SCART1: variants seen among roughly 807,000 people sequenced by gnomAD.
SCART1 encodes the protein scavenger receptor cysteine-rich domain-containing protein SCART1.
In SCART1, 62 loss-of-function variants were observed where a neutral mutation model predicts 36.2. The ratio of observed to expected loss-of-function variants is 1.71; its 90% confidence interval spans 1.40 to 2.12. SCART1 has a LOEUF of 2.12. Among genes scored for constraint, SCART1 ranks in the 30% most tolerant of loss-of-function variants. The pLI is 0.00. For synonymous variants in SCART1, 487 were observed against 238.7 expected, an observed-to-expected ratio of 2.04 and a Z score of -9.59; for missense variants, 1,041 against 540.5, an observed-to-expected ratio of 1.93 and a Z score of -9.18.
At chr10:133,457,994 A>G (rs561862955) in intron 3 of SCART1, 65 of 527,212 alleles carry the variant, frequency 1.2e-4, no homozygotes, top group African/African-American at 1.1e-3. Flanking sequence ...TGAGGTGGAT[A>G]GTCTGCCTGC....
chr10:133,456,256 G>A, exon 2 of SCART1: 1 of 702,652 alleles, frequency 1.4e-6, no homozygotes, highest in East Asian at 2.7e-5. Context: ...GTGCTCTGAG[G>A]CTGGCGTACA....
chr10:133,457,315 G>T (rs768873093), exon 3 of SCART1: 2 of 699,248 alleles, frequency 2.9e-6, no homozygotes, highest in African/African-American at 3.6e-5. Flanking sequence ...GTGAAGGGCC[G>T]CAGTCCCTGC....
At chr10:133,464,093 A>G (rs1850734552) in intron 6 of SCART1, 1 of 153,314 alleles carries the variant, frequency 6.5e-6, no homozygotes, top group South Asian at 2.1e-4. Flanking sequence ...AGCTTGTTTC[A>G]CTTAACACAG....
exon 4 of SCART1, chr10:133,458,530 C>T (rs576078356): frequency 4.3e-4 from 293 of 674,288 alleles, no homozygotes; most frequent in Non-Finnish European, 6.7e-4. Context: ...CCGCTTCGGC[C>T]GGGGCTCGGG....
At chr10:133,457,873 TG>T (rs1474467083) in intron 3 of SCART1, 1 of 536,494 alleles carries the variant, frequency 1.9e-6, no homozygotes, top group Non-Finnish European at 3.3e-6. Context: ...ATGTCTAACA[TG>T]GATCGGGGTT....
intron 10 of SCART1, 25 bp from the exon 11 acceptor site, chr10:133,467,173 T>C (rs1437124193): frequency 1.5e-6 from 1 of 678,026 alleles, no homozygotes; most frequent in Non-Finnish European, 2.7e-6. Flanking sequence ...AGGGCCTGTG[T>C]GTGACCATGC....
chr10:133,467,975 C>A (rs1385611282), exon 12 of SCART1: 1 of 685,048 alleles, frequency 1.5e-6, no homozygotes, highest in Non-Finnish European at 2.7e-6. Flanking sequence ...GTAAAGCAAC[C>A]TGAGGATGAG....
At chr10:133,465,463 G>T in exon 9 of SCART1, 1 of 527,078 alleles carries the variant, frequency 1.9e-6, no homozygotes, top group South Asian at 2.6e-5. Flanking sequence ...GCTGGACGAG[G>T]TGGGGTGCCG....
intron 3 of SCART1, chr10:133,458,089 T>C (rs1409798872): frequency 1.5e-6 from 1 of 660,682 alleles, no homozygotes; most frequent in South Asian, 1.6e-5. Flanking sequence ...GTTGCTGTCA[T>C]GGCCTCGGAC....
At chr10:133,465,279 C>A (rs1031802335) in exon 9 of SCART1, 1 of 686,884 alleles carries the variant, frequency 1.5e-6, no homozygotes, top group African/African-American at 1.8e-5. Flanking sequence ...TGCGCGGGGG[C>A]GAGGACCGCT....
intron 6 of SCART1, among the ~76,000 whole-genome samples, chr10:133,463,532 G>C (rs2094640): frequency 0.65 from 90,075 of 139,446 alleles, 31,276 homozygotes; most frequent in Non-Finnish European, 0.78. Context: ...GCTCCCATAT[G>C]TAAGTGGGAT....
downstream of SCART1, among the ~76,000 whole-genome samples, chr10:133,469,559 C>T (rs780821774): frequency 1.3e-4 from 20 of 150,244 alleles, no homozygotes; most frequent in Admixed American, 2.0e-4. Context: ...CACATGGACA[C>T]GGGGAGGGGA....
intron 10 of SCART1, 82 bp downstream of exon 10, chr10:133,466,463 TG>T: frequency 1.5e-6 from 1 of 655,806 alleles, no homozygotes; most frequent in Admixed American, 2.3e-5. Flanking sequence ...TGTTGGGGTC[TG>T]GGCAGGCGGG....
Position 133,462,018 on chromosome 10 carries a change from G to A in SCART1, c.1969+1848G>A, listed in dbSNP as rs554455666. Among the ~76,000 whole-genome samples, 6 of 152,328 alleles carry A rather than the reference G, an allele frequency of 3.9e-5. No homozygotes were observed. The South Asian group carries it at 1.2e-3, about 32-fold the overall frequency. Reference sequence around the variant, plus strand: ...TTGGGCACAGCCAGTTCAATTCCTGGGGCTGCCTCTTTTTCACCTGGGTCT... The same window carrying A: ...TTGGGCACAGCCAGTTCAATTCCTGAGGCTGCCTCTTTTTCACCTGGGTCT... On this transcript the variant is annotated intron_variant, in intron 6 of 11. Coordinates refer to ENST00000640237, the Ensembl canonical transcript of SCART1.
chr10:133,459,003 ACTC>A lies in SCART1; in HGVS notation c.980-11_980-9del, dbSNP rs1349003988. 6.1e-6 allele frequency: 4 copies of A among 658,646 alleles called. No homozygotes were observed. Among genetic ancestry groups the A allele is most frequent in the Non-Finnish European group, 1.1e-5 (4 of 361,504 alleles). The allele number at this position is 658,646 out of a possible 1,614,324, so 40.8% of individuals were successfully genotyped here. On this transcript the variant is annotated splice_polypyrimidine_tract_variant and intron_variant, in intron 4 of 11. Transcript: ENST00000640237. ...GGTCGGCCGTCTGCAAGCCAGGCTG[ACTC>A]CTCCTCTCCCCCAGAGTTCAGGATG...
exon 4 of SCART1, chr10:133,458,568 T>C (rs1350866809): frequency 2.9e-6 from 2 of 686,270 alleles, no homozygotes; most frequent in Non-Finnish European, 5.2e-6. Flanking sequence ...CCTTCCGCTG[T>C]GCGGGCAACG....
rs938843424 is a variant in SCART1, at chr10:133,465,459, C to T, written c.2553C>T (p.Asp851=). Residue 851 remains aspartate, a synonymous_variant, in exon 9 of 12, where the codon GAC becomes GAT. Transcript: ENST00000640237. ...CTGGCTCCGGGCCCGTGTGGCTGGA[C>T]GAGGTGGGGTGCCGGGGCAGCGAGG... is the stretch of plus-strand genomic sequence containing the variant. 22 of 528,554 alleles carry T rather than the reference C, an allele frequency of 4.2e-5. No homozygotes were observed. The East Asian group carries it at 7.4e-4, about 18-fold the overall frequency. The allele number at this position is 528,554 out of a possible 1,614,324, so 32.7% of individuals were successfully genotyped here.
exon 7 of SCART1, chr10:133,464,816 G>C (rs1186146986): frequency 1.4e-6 from 1 of 702,730 alleles, no homozygotes; most frequent in Non-Finnish European, 2.6e-6. Context: ...GACCGCCTGG[G>C]TGGACAACAT....
intron 11 of SCART1, 125 bp downstream of exon 11, chr10:133,467,478 C>A: frequency 1.7e-6 from 1 of 601,628 alleles, no homozygotes; most frequent in Non-Finnish European, 3.0e-6. Context: ...CCACAGGGCT[C>A]ATGGATGCAA....
Sources: allele counts gnomAD v4.1 joint callset (sites outside exome capture counted in the v4.1 genomes callset), GRCh38; gene constraint gnomAD v4.1.1; transcripts MANE v1.5; gene names NCBI Gene and HGNC (gene_info 2026-07-23, HGNC 2026-07-21).